The following EYA4 variants were observed in gnomAD, a reference collection of about 807,000 sequenced individuals.
The protein encoded by EYA4 is protein phosphatase EYA4.
In EYA4, 31 loss-of-function variants were observed where a neutral mutation model predicts 87.9. The ratio of observed to expected loss-of-function variants is 0.35; its 90% CI spans 0.27 to 0.48. EYA4 has a LOEUF of 0.48. EYA4 is among the 20% of genes least tolerant of loss of function. The probability of loss-of-function intolerance (pLI) is 0.99; values close to 1 mark genes in which losing one functional copy is unlikely to be tolerated. For synonymous variants in EYA4, 263 were observed against 270.6 expected (o/e 0.97, Z 0.28); for missense variants, 678 against 761.4 (o/e 0.89, Z 1.29).
chr6:133,319,023 G>A (rs1299331497), intron 2 of EYA4, among the ~76,000 whole-genome samples: 1 of 152,210 alleles, frequency 6.6e-6, no homozygotes, highest in Non-Finnish European at 1.5e-5. Flanking sequence ...AGCCTGTCCA[G>A]CAGGCAGCTC....
At chr6:133,434,902 A>G (rs1791513594) in intron 3 of EYA4, among the ~76,000 whole-genome samples, 1 of 152,172 alleles carries the variant, frequency 6.6e-6, no homozygotes, top group Admixed American at 6.5e-5. Flanking sequence ...GCTTTACTCC[A>G]CTACTTGCTA....
intron 2 of EYA4, among the ~76,000 whole-genome samples, chr6:133,329,115 C>A (rs1428654724): frequency 2.6e-5 from 4 of 152,034 alleles, no homozygotes; most frequent in African/African-American, 7.2e-5. Flanking sequence ...CTGTACATTT[C>A]TCTGGTGTCA....
intron 2 of EYA4, among the ~76,000 whole-genome samples, chr6:133,331,933 A>G (rs898316407): frequency 2.0e-5 from 3 of 152,196 alleles, no homozygotes; most frequent in Admixed American, 2.0e-4. Flanking sequence ...TCTTGTGTGG[A>G]TGGTCTGTCA....
chr6:133,490,204 C>T (rs539844856), intron 13 of EYA4, among the ~76,000 whole-genome samples: 72 of 151,830 alleles, frequency 4.7e-4, no homozygotes, highest in African/African-American at 1.6e-3. Context: ...GAAATTAAAA[C>T]ATACCAACAA....
intron 3 of EYA4, among the ~76,000 whole-genome samples, chr6:133,391,601 T>G (rs1225514597): frequency 6.6e-6 from 1 of 152,206 alleles, no homozygotes; most frequent in Non-Finnish European, 1.5e-5. Context: ...ATTTTATACA[T>G]TTGACTTCTT....
intron 2 of EYA4, among the ~76,000 whole-genome samples, chr6:133,283,378 G>T (rs950966243): frequency 6.6e-6 from 1 of 151,930 alleles, no homozygotes; most frequent in African/African-American, 2.4e-5. Context: ...TAATACTCTT[G>T]AGAAATAGAA....
At chr6:133,294,508 A>T (rs74369882) in intron 2 of EYA4, among the ~76,000 whole-genome samples, 3 of 150,868 alleles carry the variant, frequency 2.0e-5, no homozygotes, top group African/African-American at 2.4e-5. Flanking sequence ...GTGTGTCACC[A>T]CTCTGCTCAG....
intron 3 of EYA4, among the ~76,000 whole-genome samples, chr6:133,396,009 G>C (rs537487175): frequency 3.9e-5 from 6 of 152,008 alleles, no homozygotes; most frequent in Admixed American, 1.3e-4. Context: ...CCCTTTTTCT[G>C]TCTCCCCCTT....
At chr6:133,502,072 A>ACT (rs767862152) in intron 13 of EYA4, among the ~76,000 whole-genome samples, 114 of 120,052 alleles carry the variant, frequency 9.5e-4, no homozygotes, top group Middle Eastern at 4.5e-3. Context: ...TCTCTCTCTC[A>ACT]CTCTCTCTCT....
chr6:133,306,267 A>C (rs2128322969), intron 2 of EYA4, among the ~76,000 whole-genome samples: 1 of 152,310 alleles, frequency 6.6e-6, no homozygotes, highest in South Asian at 2.1e-4. Context: ...TTGGCTCCAG[A>C]GTCCGTGTTC....
chr6:133,330,923 AT>A (rs931520317), intron 2 of EYA4, among the ~76,000 whole-genome samples: 41 of 150,986 alleles, frequency 2.7e-4, no homozygotes, highest in African/African-American at 8.5e-4. Context: ...GCTGTTGGCA[AT>A]TTTTTTTTAA....
intron 2 of EYA4, among the ~76,000 whole-genome samples, chr6:133,278,462 C>T (rs955038725): frequency 1.8e-4 from 27 of 152,264 alleles, no homozygotes; most frequent in African/African-American, 6.3e-4. Context: ...GGATCTCGTT[C>T]ATCTCGTACT....
intron 2 of EYA4, among the ~76,000 whole-genome samples, chr6:133,281,376 A>G (rs1367649378): frequency 6.6e-6 from 1 of 152,184 alleles, no homozygotes; most frequent in Non-Finnish European, 1.5e-5. Context: ...ATCTTTGCCT[A>G]ATCCAGGGTC....
intron 2 of EYA4, among the ~76,000 whole-genome samples, chr6:133,377,326 G>C (rs1785777381): frequency 1.3e-5 from 2 of 151,950 alleles, no homozygotes. Flanking sequence ...GTAAGACTTT[G>C]AAATCTGGTG....
chr6:133,299,714 AAAAAT>A (rs201014987), intron 2 of EYA4, among the ~76,000 whole-genome samples: 4,960 of 137,564 alleles, frequency 0.036, 92 homozygotes, highest in African/African-American at 0.053. Flanking sequence ...TCTGTCTCAA[AAAAAT>A]AAAATAAAAT....
intron 19 of EYA4, among the ~76,000 whole-genome samples, chr6:133,526,415 A>T (rs1027763526): frequency 6.6e-6 from 1 of 150,890 alleles, no homozygotes; most frequent in African/African-American, 2.4e-5. Context: ...AGACAGTTTT[A>T]TAGAAAAGTT....
chr6:133,512,696 A>G (rs368477281), intron 14 of EYA4, 25 bp from the exon 15 acceptor site: 2 of 1,575,240 alleles, frequency 1.3e-6, no homozygotes, highest in African/African-American at 2.7e-5. Flanking sequence ...TAGAAAACAA[A>G]TAACTTTTCC....
At chr6:133,407,660 A>C (rs200241199) in intron 3 of EYA4, among the ~76,000 whole-genome samples, 1 of 152,128 alleles carries the variant, frequency 6.6e-6, no homozygotes, top group East Asian at 1.9e-4. Context: ...GCCCAGTAAG[A>C]ATTTGTGGAT....
At chr6:133,457,472 T>C (rs1008023152) in intron 6 of EYA4, among the ~76,000 whole-genome samples, 1 of 152,212 alleles carries the variant, frequency 6.6e-6, no homozygotes, top group Non-Finnish European at 1.5e-5. Flanking sequence ...TTTATCCATG[T>C]GCTCATGTTA....
Sources: allele counts gnomAD v4.1 joint callset (sites outside exome capture counted in the v4.1 genomes callset), GRCh38; gene constraint gnomAD v4.1.1; transcripts MANE v1.5; gene names NCBI Gene and HGNC (gene_info 2026-07-23, HGNC 2026-07-21).